Variants in NTRK2 observed in about 807,000 individuals in gnomAD.
NTRK2 encodes the protein BDNF/NT-3 growth factors receptor.
NTRK2 carries 13 observed loss-of-function variants against 94.5 expected under a neutral mutation model. The ratio of observed to expected loss-of-function variants is 0.14; its 90% CI spans 0.09 to 0.22. The LOEUF (loss-of-function observed/expected upper bound fraction) is 0.22, where lower values mean the gene tolerates loss of function less well. Among genes scored for constraint, NTRK2 ranks in the 10% least tolerant of loss-of-function variants. The pLI is 1.00. For missense variants in NTRK2, 639 were observed against 1,071.2 expected (o/e 0.60, Z 5.63); for synonymous variants, 372 against 407.4 (o/e 0.91, Z 1.05).
At chr9:84,765,598 T>C (rs371283910) in intron 12 of NTRK2, among the ~76,000 whole-genome samples, 1 of 152,202 alleles carries the variant, frequency 6.6e-6, no homozygotes, top group South Asian at 2.1e-4. Context: ...TTCAGTGTTT[T>C]CTGCTGTGAA....
intron 14 of NTRK2, chr9:84,877,686 G>T (rs1370718990): frequency 1.4e-5 from 15 of 1,062,780 alleles, no homozygotes; most frequent in Non-Finnish European, 1.7e-5. Context: ...CACATTTCAT[G>T]CAAGGGAGCG....
At chr9:84,810,961 A>T (rs2071713513) in intron 12 of NTRK2, 1 of 1,127,056 alleles carries the variant, frequency 8.9e-7, no homozygotes, top group Non-Finnish European at 1.1e-6. Context: ...GCTTCTGTTT[A>T]TTAAAATTGA....
chr9:84,986,036 T>A (rs1243605734), intron 17 of NTRK2, among the ~76,000 whole-genome samples: 1 of 152,178 alleles, frequency 6.6e-6, no homozygotes, highest in East Asian at 1.9e-4. Context: ...GTGTTCTTTG[T>A]AGAACAACCT....
chr9:85,022,870 A>G lies in NTRK2; in HGVS notation c.*1433A>G. 1 of 233,260 alleles carries G rather than the reference A, an allele frequency of 4.3e-6. No individual in the cohort carries two copies. Among genetic ancestry groups the G allele is most frequent in the Non-Finnish European group, 8.5e-6 (1 of 118,076 alleles). 14.4% of individuals were successfully genotyped at this position (233,260 alleles called of 1,614,324 possible). ...GAACCCACAGGACTGTGGGAAGGGC[A>G]GAATCAATCCCTAAGGGAAAGGAAA... On this transcript the variant is annotated 3_prime_UTR_variant, in exon 19 of 19. Coordinates refer to ENST00000277120, the MANE Select transcript of NTRK2 (RefSeq NM_006180.6).
At chr9:85,021,086 C>T (rs138602814) in intron 18 of NTRK2, among the ~76,000 whole-genome samples, 166 bp from the exon 19 acceptor site, 40 of 152,286 alleles carry the variant, frequency 2.6e-4, no homozygotes, top group African/African-American at 7.2e-4. Context: ...AAAATAAACA[C>T]GATATAAACT....
At chr9:84,790,931 A>C (rs2068662047) in intron 12 of NTRK2, among the ~76,000 whole-genome samples, 1 of 152,240 alleles carries the variant, frequency 6.6e-6, no homozygotes. Context: ...CTTCTGTGTC[A>C]TAATTTAGCT....
At chr9:84,834,359 G>C (rs968908243) in intron 12 of NTRK2, among the ~76,000 whole-genome samples, 5 of 152,112 alleles carry the variant, frequency 3.3e-5, no homozygotes, top group Admixed American at 1.3e-4. Context: ...AAAATAGCAG[G>C]TGTCTGATTC....
intron 12 of NTRK2, chr9:84,811,383 A>G (rs2013566): frequency 0.1 from 111,707 of 1,065,824 alleles, 8,419 homozygotes; most frequent in African/African-American, 0.37. Flanking sequence ...TATAGATTTA[A>G]GTTAGGCATA....
chr9:84,875,833 T>C, intron 14 of NTRK2: 1 of 1,044,514 alleles, frequency 9.6e-7, no homozygotes, highest in Middle Eastern at 4.4e-4. Flanking sequence ...GAGGCCTCTA[T>C]CAATAGTATG....
chr9:84,805,255 C>G (rs1331926538), intron 12 of NTRK2, among the ~76,000 whole-genome samples: 4 of 152,190 alleles, frequency 2.6e-5, no homozygotes, highest in Non-Finnish European at 5.9e-5. Context: ...CAACATCAGA[C>G]CAGAGCTTTT....
intron 14 of NTRK2, among the ~76,000 whole-genome samples, chr9:84,899,027 C>T (rs1310809808): frequency 6.6e-6 from 1 of 152,156 alleles, no homozygotes; most frequent in East Asian, 1.9e-4. Flanking sequence ...AAGAGGCTTG[C>T]CTTCAGTGAC....
intron 17 of NTRK2, among the ~76,000 whole-genome samples, chr9:84,962,597 A>G (rs1825080109): frequency 6.6e-6 from 1 of 152,144 alleles, no homozygotes; most frequent in Non-Finnish European, 1.5e-5. Context: ...TGCACTGGGA[A>G]TGACAGTAGG....
chr9:84,860,582 T>C (rs1338983826), intron 12 of NTRK2, among the ~76,000 whole-genome samples: 2 of 152,198 alleles, frequency 1.3e-5, no homozygotes, highest in African/African-American at 2.4e-5. Context: ...TTTCCCACAT[T>C]GCTGCGGTTC....
intron 14 of NTRK2, among the ~76,000 whole-genome samples, chr9:84,901,175 T>G (rs1286900860): frequency 8.0e-6 from 1 of 124,666 alleles, no homozygotes; most frequent in Non-Finnish European, 1.7e-5. Context: ...ACAACTTTCA[T>G]TTTATTTTGT....
At chr9:85,015,186 A>G (rs1282075954) in intron 17 of NTRK2, among the ~76,000 whole-genome samples, 4 of 152,212 alleles carry the variant, frequency 2.6e-5, no homozygotes, top group African/African-American at 9.7e-5. Context: ...TGTTATACAT[A>G]ATGAAGTCTT....
chr9:84,853,751 G>A (rs982995738), intron 12 of NTRK2, among the ~76,000 whole-genome samples: 2 of 152,130 alleles, frequency 1.3e-5, no homozygotes, highest in African/African-American at 2.4e-5. Context: ...GCACTTGACT[G>A]CAGAGTCTTG....
chr9:84,904,883 A>G (rs2132431687), intron 14 of NTRK2, among the ~76,000 whole-genome samples: 1 of 152,218 alleles, frequency 6.6e-6, no homozygotes, highest in South Asian at 2.1e-4. Context: ...TAGTTTTTAA[A>G]CCTCCAGCTT....
chr9:84,749,115 C>T (rs553415924), intron 11 of NTRK2, among the ~76,000 whole-genome samples: 1 of 152,186 alleles, frequency 6.6e-6, no homozygotes, highest in East Asian at 1.9e-4. Context: ...ATAATCCCAG[C>T]TACTAGGGAG....
At chr9:84,752,776 G>T (rs1395851677) in intron 12 of NTRK2, among the ~76,000 whole-genome samples, 1 of 152,146 alleles carries the variant, frequency 6.6e-6, no homozygotes, top group Non-Finnish European at 1.5e-5. Flanking sequence ...GTGATTTAAT[G>T]ATTTAAAACC....
Sources: gnomAD v4.1 joint callset for allele counts (sites outside exome capture counted in the v4.1 genomes callset) on GRCh38, gnomAD v4.1.1 for gene constraint, MANE v1.5 for transcripts, NCBI Gene and HGNC (gene_info 2026-07-23, HGNC 2026-07-21) for gene names.